The following SEC14L5 variants were observed in gnomAD, a reference collection of about 807,000 sequenced individuals.
SEC14L5 encodes the protein SEC14 like lipid binding 5.
SEC14L5 carries 96 observed loss-of-function variants against 84.6 expected under a neutral mutation model. That is an observed-to-expected ratio of 1.13 (90% CI 0.96 to 1.34). The LOEUF (loss-of-function observed/expected upper bound fraction) is 1.34. SEC14L5 is among the 40% of genes most tolerant of loss of function. SEC14L5 has a pLI of 0.00. For synonymous variants in SEC14L5, 546 were observed against 383.4 expected (o/e 1.42, Z -4.95); for missense variants, 1,224 against 942.5 (o/e 1.30, Z -3.91).
In SEC14L5 at chr16:5,016,480, C is replaced by T. The variant is rs981135276; in HGVS notation, c.*1510C>T. ...TCACTATTGTTGCATGAAGACAACACCTCTGCACCCCTGGATGTGGCCACG... is the reference window on the plus strand; with the variant it reads ...TCACTATTGTTGCATGAAGACAACATCTCTGCACCCCTGGATGTGGCCACG... On this transcript the variant is annotated 3_prime_UTR_variant, in exon 16 of 16. Coordinates refer to ENST00000251170, the MANE Select transcript of SEC14L5 (RefSeq NM_014692.2). 6.6e-6 allele frequency: 1 copy of T among 152,234 alleles called. No homozygotes were observed. The highest frequency in any genetic ancestry group is 1.5e-5 in the Non-Finnish European group (1 of 68,050). The allele number at this position is 152,234 out of a possible 1,614,324, so 9.4% of individuals were successfully genotyped here.
At chr16:4,973,323 G>C (rs1213132729) in intron 2 of SEC14L5, among the ~76,000 whole-genome samples, 1 of 152,230 alleles carries the variant, frequency 6.6e-6, no homozygotes. Context: ...GGCTTTGCTG[G>C]GATGAGCAGT....
chr16:4,997,889 C>T (rs1326006096), intron 8 of SEC14L5, among the ~76,000 whole-genome samples: 5 of 152,134 alleles, frequency 3.3e-5, no homozygotes, highest in Middle Eastern at 3.4e-3. Flanking sequence ...TGTGTCCTCG[C>T]CTCTTCTCAT....
intron 2 of SEC14L5, among the ~76,000 whole-genome samples, chr16:4,963,593 G>A (rs1955156484): frequency 6.6e-6 from 1 of 152,124 alleles, no homozygotes; most frequent in Non-Finnish European, 1.5e-5. Context: ...TGTTCCGCCC[G>A]CCTTGGCCTC....
chr16:4,982,215 C>G (rs181301770), intron 2 of SEC14L5, among the ~76,000 whole-genome samples: 2 of 152,034 alleles, frequency 1.3e-5, no homozygotes, highest in Non-Finnish European at 2.9e-5. Flanking sequence ...TCGGCCCCCC[C>G]CTCCCCCCGC....
At chr16:4,978,695 T>C (rs891711990) in intron 2 of SEC14L5, among the ~76,000 whole-genome samples, 2 of 151,954 alleles carry the variant, frequency 1.3e-5, no homozygotes, top group African/African-American at 4.8e-5. Flanking sequence ...CTCCGCCTCC[T>C]GGGTTCAGGC....
chr16:4,972,334 C>T (rs575926443), intron 2 of SEC14L5, among the ~76,000 whole-genome samples: 1 of 152,224 alleles, frequency 6.6e-6, no homozygotes, highest in Non-Finnish European at 1.5e-5. Context: ...TGATGAAATA[C>T]ACGTAACATA....
intron 12 of SEC14L5, 90 bp from the exon 13 acceptor site, chr16:5,007,262 G>A: frequency 7.9e-7 from 1 of 1,268,328 alleles, no homozygotes. Context: ...ATTATGAGTG[G>A]CTTTGGGGGT....
chr16:4,996,718 C>T (rs972589588), intron 7 of SEC14L5, 137 bp from the exon 8 acceptor site: 11 of 696,038 alleles, frequency 1.6e-5, no homozygotes, highest in Non-Finnish European at 2.6e-5. Flanking sequence ...GTTACAGGCG[C>T]ACACCACCAC....
chr16:4,961,228 G>A (rs979724809), intron 2 of SEC14L5, among the ~76,000 whole-genome samples: 2 of 152,146 alleles, frequency 1.3e-5, no homozygotes, highest in African/African-American at 4.8e-5. Context: ...AGCCGAGATT[G>A]CGCCGCAACA....
chr16:5,014,523 G>C (rs879335043), intron 15 of SEC14L5, among the ~76,000 whole-genome samples: 2 of 152,252 alleles, frequency 1.3e-5, no homozygotes, highest in Non-Finnish European at 2.9e-5. Context: ...GCTAGGAGGA[G>C]GACCATGGAA....
At chr16:5,014,815 T>C (rs1367239537) in intron 15 of SEC14L5, 44 bp from the exon 16 acceptor site, 4 of 1,484,338 alleles carry the variant, frequency 2.7e-6, no homozygotes, top group Admixed American at 1.7e-5. Context: ...CCAAGGGCCT[T>C]GTCACTGTGA....
rs566170715 is a variant in SEC14L5, at chr16:4,997,176, A to G, written c.970+132A>G. The G allele has an allele frequency of 2.8e-4, 157 of 567,166 alleles. 1 individual carries two copies. Among genetic ancestry groups the G allele is most frequent in the Admixed American group, 4.5e-4 (11 of 24,292 alleles). The allele number at this position is 567,166 out of a possible 1,614,324, so 35.1% of individuals were successfully genotyped here. A position where few individuals can be genotyped will look rare whatever the true frequency, so the allele number is the denominator to read the frequency against. Reference sequence around the variant, plus strand: ...TGCAGTGGTGCCATCTCGGCTCACCATAATCTCCGCTTCCCGGGTTCAAGC... The same window carrying G: ...TGCAGTGGTGCCATCTCGGCTCACCGTAATCTCCGCTTCCCGGGTTCAAGC... On this transcript the variant is annotated intron_variant, in intron 8 of 15. Transcript: ENST00000251170.
intron 6 of SEC14L5, among the ~76,000 whole-genome samples, chr16:4,994,709 G>C (rs1362715612): frequency 6.7e-6 from 1 of 149,170 alleles, no homozygotes; most frequent in Non-Finnish European, 1.5e-5. Context: ...AACAGCGCCC[G>C]CTCCTGCCCC....
chr16:5,006,142 A>AG, intron 12 of SEC14L5, 94 bp downstream of exon 12: 2 of 1,353,064 alleles, frequency 1.5e-6, no homozygotes, highest in Non-Finnish European at 1.0e-6. Context: ...TGGGAGGTGG[A>AG]GGGGGGCTGG....
intron 10 of SEC14L5, among the ~76,000 whole-genome samples, chr16:5,002,297 G>GGTT (rs1568142771): frequency 1.4e-5 from 1 of 72,518 alleles, no homozygotes; most frequent in East Asian, 7.4e-4. Flanking sequence ...GCTGTTTGCA[G>GGTT]ATTTTTTTTT....
Position 5,016,468 on chromosome 16 carries a change from A to G in SEC14L5, c.*1498A>G, listed in dbSNP as rs947862127. ...AGCAGAATGGGGTCACTATTGTTGC[A>G]TGAAGACAACACCTCTGCACCCCTG... On this transcript the variant is annotated 3_prime_UTR_variant, in exon 16 of 16. Coordinates refer to ENST00000251170, the MANE Select transcript of SEC14L5 (RefSeq NM_014692.2). 3.3e-5 allele frequency: 5 copies of G among 152,238 alleles called. No individual in the cohort carries two copies. Among genetic ancestry groups the G allele is most frequent in the African/African-American group, 9.7e-5 (4 of 41,444 alleles). The allele number at this position is 152,238 out of a possible 1,614,324, so 9.4% of individuals were successfully genotyped here.
intron 4 of SEC14L5, among the ~76,000 whole-genome samples, chr16:4,990,160 T>A (rs1955537463): frequency 6.9e-6 from 1 of 144,022 alleles, no homozygotes; most frequent in African/African-American, 2.4e-5. Flanking sequence ...CAATTGTATT[T>A]ATTTTATTAT....
rs1955904032 is a variant in SEC14L5 at position 5,018,965 on chromosome 16, A to G, written c.*3995A>G. The G allele has an allele frequency of 6.6e-6, 1 of 152,112 alleles. No homozygotes were observed. Among genetic ancestry groups the G allele is most frequent in the Non-Finnish European group, 1.5e-5 (1 of 68,018 alleles). The allele number at this position is 152,112 out of a possible 1,614,324, so 9.4% of individuals were successfully genotyped here. On this transcript the variant is annotated 3_prime_UTR_variant, in exon 16 of 16. Coordinates refer to ENST00000251170, the MANE Select transcript of SEC14L5 (RefSeq NM_014692.2). ...CAACCAGCAGCATTAAATGTTTTCC[A>G]TTTGGATAAACTTGCATCGTCAGCT...
In SEC14L5 at chr16:4,975,197, CATT is replaced by C. The variant is rs1237056863; in HGVS notation, c.64-12356_64-12354del. Among the ~76,000 whole-genome samples the C allele has an allele frequency of 4.6e-5, 7 of 152,048 alleles. No homozygotes were observed. In the East Asian group the frequency reaches 1.4e-3, roughly 29 times the overall value. ...GCTCCATCCAAGTTGCTGCAAAAGACATTATTTTGTCACGCCTGTAATCCTAGC... is the reference window on the plus strand; with the variant it reads ...GCTCCATCCAAGTTGCTGCAAAAGACATTTTGTCACGCCTGTAATCCTAGC... On this transcript the variant is annotated intron_variant, in intron 2 of 15. Coordinates refer to ENST00000251170, the MANE Select transcript of SEC14L5 (RefSeq NM_014692.2).
Sources: allele counts gnomAD v4.1 joint callset (sites outside exome capture counted in the v4.1 genomes callset), GRCh38; gene constraint gnomAD v4.1.1; transcripts MANE v1.5; gene names NCBI Gene and HGNC (gene_info 2026-07-23, HGNC 2026-07-21).